TMEM135: variants seen among roughly 807,000 people sequenced by gnomAD.
TMEM135 encodes the protein peroxisomal membrane protein 52.
A neutral mutation model predicts 60.3 loss-of-function variants in TMEM135; 30 were observed. The ratio of observed to expected loss-of-function variants is 0.50; its 90% CI spans 0.37 to 0.68. The LOEUF is 0.68. TMEM135 is among the 30% of genes least tolerant of loss of function. TMEM135 has a pLI of 0.00. For missense variants in TMEM135, 468 were observed against 548.8 expected (o/e 0.85, Z 1.47); for synonymous variants, 190 against 186.7 (o/e 1.02, Z -0.14).
In TMEM135 at chr11:87,236,805, G is replaced by A. The variant is rs1017349312; in HGVS notation, c.509+121G>A. ...CCCTTACAAGCAGCATACTCCCCCCGCACCCCCGCCCAGAGTGGACAGAGG... is the reference window on the plus strand; with the variant it reads ...CCCTTACAAGCAGCATACTCCCCCCACACCCCCGCCCAGAGTGGACAGAGG... On this transcript the variant is annotated intron_variant, in intron 6 of 14. Coordinates refer to ENST00000305494, the MANE Select transcript of TMEM135 (RefSeq NM_022918.4). 23 of 911,200 alleles carry A rather than the reference G, an allele frequency of 2.5e-5. 1 individual carries two copies. The highest frequency in any genetic ancestry group is 1.4e-4 in the Admixed American group (7 of 51,360). The allele number at this position is 911,200 out of a possible 1,614,324, so 56.4% of individuals were successfully genotyped here. A position where few individuals can be genotyped will look rare whatever the true frequency, so the allele number is the denominator to read the frequency against.
At chr11:87,319,268 T>G in intron 13 of TMEM135, 42 bp from the exon 14 acceptor site, 5 of 1,488,154 alleles carry the variant, frequency 3.4e-6, no homozygotes, top group Non-Finnish European at 4.7e-6. Flanking sequence ...CTTTCAGTTT[T>G]CATTTATATT....
chr11:87,148,494 A>T (rs769105530), intron 4 of TMEM135, among the ~76,000 whole-genome samples: 1 of 152,200 alleles, frequency 6.6e-6, no homozygotes, highest in Non-Finnish European at 1.5e-5. Context: ...AAAGAATTTG[A>T]TCCTCTGATT....
chr11:87,134,458 G>C (rs890749866), intron 4 of TMEM135, among the ~76,000 whole-genome samples: 1 of 152,114 alleles, frequency 6.6e-6, no homozygotes, highest in Non-Finnish European at 1.5e-5. Context: ...TATATGGAGA[G>C]CACATGTCTA....
Position 87,072,564 on chromosome 11 carries a change from G to A in TMEM135, c.362+949G>A, listed in dbSNP as rs376062330. Among the ~76,000 whole-genome samples, 28 of 151,996 alleles carry A rather than the reference G, an allele frequency of 1.8e-4. No individual in the cohort carries two copies. The East Asian group carries it at 3.5e-3, about 19-fold the overall frequency. Reference sequence around the variant, plus strand: ...CCCGGCTAGTTTTTGTGTTTTTTTAGTAGAGACAAGGTTTCACCATGTTGG... The same window carrying A: ...CCCGGCTAGTTTTTGTGTTTTTTTAATAGAGACAAGGTTTCACCATGTTGG... On this transcript the variant is annotated intron_variant, in intron 3 of 14. Transcript: ENST00000305494.
At chr11:87,157,191 C>A in intron 4 of TMEM135, 150 bp from the exon 5 acceptor site, 1 of 659,848 alleles carries the variant, frequency 1.5e-6, no homozygotes, top group Non-Finnish European at 2.6e-6. Context: ...GTAGCTAGGA[C>A]TATAGGCATA....
In TMEM135 at chr11:87,326,151, T is replaced by G; in HGVS notation, c.*4818T>G. The G allele has an allele frequency of 2.2e-6, 1 of 453,890 alleles. No individual in the cohort carries two copies. The highest frequency in any genetic ancestry group is 4.4e-6 in the Non-Finnish European group (1 of 226,732). The allele number at this position is 453,890 out of a possible 1,614,324, so 28.1% of individuals were successfully genotyped here. On this transcript the variant is annotated 3_prime_UTR_variant, in exon 15 of 15. Transcript: ENST00000305494. Reference sequence around the variant, plus strand: ...TCCCCCACCCCCAGCCTGCTGCCTCTGCAGAGCATAACATTCTAATCTTGT... The same window carrying G: ...TCCCCCACCCCCAGCCTGCTGCCTCGGCAGAGCATAACATTCTAATCTTGT...
chr11:87,228,186 AG>A (rs1940807312), intron 5 of TMEM135, among the ~76,000 whole-genome samples: 1 of 152,152 alleles, frequency 6.6e-6, no homozygotes, highest in African/African-American at 2.4e-5. Context: ...TATGTTCTTC[AG>A]GGCAACAAGA....
chr11:87,260,443 T>G (rs963564589), intron 6 of TMEM135, among the ~76,000 whole-genome samples: 1 of 152,186 alleles, frequency 6.6e-6, no homozygotes, highest in East Asian at 1.9e-4. Context: ...AGACATTTAT[T>G]ATAGCAAGCC....
rs551791100 is a variant in TMEM135 at position 87,321,183 on chromosome 11, G to C, written c.1245-18G>C. Reference sequence around the variant, plus strand: ...TAAACTATATTAATACTTGTTTACTGTATTCTTTGTTTTACAGATTTGCTG... The same window carrying C: ...TAAACTATATTAATACTTGTTTACTCTATTCTTTGTTTTACAGATTTGCTG... On this transcript the variant is annotated intron_variant, in intron 14 of 14. Coordinates refer to ENST00000305494, the MANE Select transcript of TMEM135 (RefSeq NM_022918.4). The C allele has an allele frequency of 2.5e-6, 4 of 1,603,572 alleles. 1 individual carries two copies. Among genetic ancestry groups the C allele is most frequent in the Non-Finnish European group, 3.4e-6 (4 of 1,170,944 alleles).
chr11:87,280,726 G>A (rs1942045915), intron 6 of TMEM135, among the ~76,000 whole-genome samples: 1 of 152,024 alleles, frequency 6.6e-6, no homozygotes, highest in Admixed American at 6.5e-5. Context: ...TGAAGCCATC[G>A]GCAATGGCTG....
chr11:87,161,190 G>T (rs1295606173), intron 5 of TMEM135, among the ~76,000 whole-genome samples: 1 of 152,194 alleles, frequency 6.6e-6, no homozygotes, highest in Non-Finnish European at 1.5e-5. Flanking sequence ...GAGCCGCTGT[G>T]CCTGGCCTGG....
chr11:87,120,472 C>CTTTCTT (rs1858023707), intron 4 of TMEM135, among the ~76,000 whole-genome samples: 1 of 104,254 alleles, frequency 9.6e-6, no homozygotes, highest in Admixed American at 1.3e-4. Flanking sequence ...GATGAAATTT[C>CTTTCTT]TTTTTTTTTT....
intron 4 of TMEM135, among the ~76,000 whole-genome samples, chr11:87,153,220 C>T (rs191524625): frequency 6.6e-6 from 1 of 152,232 alleles, no homozygotes; most frequent in East Asian, 1.9e-4. Context: ...GGAACATGCA[C>T]CCTATTCTTG....
intron 1 of TMEM135, among the ~76,000 whole-genome samples, chr11:87,054,795 AT>A (rs899622541): frequency 2.7e-5 from 4 of 149,748 alleles, no homozygotes; most frequent in Admixed American, 6.7e-5. Context: ...ACATGGGACA[AT>A]TTTTTTTTTC....
intron 4 of TMEM135, among the ~76,000 whole-genome samples, chr11:87,157,006 A>G (rs1294551674): frequency 6.6e-6 from 1 of 151,608 alleles, no homozygotes; most frequent in African/African-American, 2.4e-5. Context: ...TATAACTTCT[A>G]GCTCTTATTG....
At chr11:87,259,237 G>A in intron 6 of TMEM135, 2 of 452,332 alleles carry the variant, frequency 4.4e-6, no homozygotes, top group South Asian at 2.1e-5. Context: ...TCCGGGGATA[G>A]GGGTTCCCCT....
At chr11:87,041,039 A>G (rs1180872248) in intron 1 of TMEM135, among the ~76,000 whole-genome samples, 1 of 152,200 alleles carries the variant, frequency 6.6e-6, no homozygotes, top group Non-Finnish European at 1.5e-5. Context: ...GCAGAAAACT[A>G]AGTGGTTTTG....
At chr11:87,093,153 T>G (rs996161456) in intron 4 of TMEM135, among the ~76,000 whole-genome samples, 2 of 152,230 alleles carry the variant, frequency 1.3e-5, no homozygotes, top group African/African-American at 4.8e-5. Flanking sequence ...CTCTTTGTGC[T>G]GAATTCTGGT....
intron 1 of TMEM135, among the ~76,000 whole-genome samples, chr11:87,062,951 A>T (rs1466431405): frequency 6.6e-6 from 1 of 152,188 alleles, no homozygotes; most frequent in Admixed American, 6.5e-5. Flanking sequence ...GTATTGTATT[A>T]TGCTGATTGT....
Sources: gnomAD v4.1 joint callset for allele counts (sites outside exome capture counted in the v4.1 genomes callset) on GRCh38, gnomAD v4.1.1 for gene constraint, MANE v1.5 for transcripts, NCBI Gene and HGNC (gene_info 2026-07-23, HGNC 2026-07-21) for gene names.